The following FOCAD variants were observed in gnomAD, a reference collection of about 807,000 sequenced individuals.
FOCAD encodes the protein KIAA1797.
A neutral mutation model predicts 225.6 loss-of-function variants in FOCAD; 198 were observed. That is an observed-to-expected ratio of 0.88 (90% CI 0.78 to 0.99). The LOEUF (loss-of-function observed/expected upper bound fraction) is 0.99, where lower values mean the gene tolerates loss of function less well. Ranked by LOEUF, FOCAD falls within the 50% of genes least tolerant of loss-of-function variation. The pLI, the probability that FOCAD is intolerant of heterozygous loss-of-function variation, is 0.00. For missense variants in FOCAD, 2,713 were observed against 2,123.6 expected (o/e 1.28, Z -5.46); for synonymous variants, 897 against 755.0 (o/e 1.19, Z -3.08).
chr9:20,917,112 A>T (rs960285911), intron 24 of FOCAD, among the ~76,000 whole-genome samples, 175 bp downstream of exon 24: 14 of 152,248 alleles, frequency 9.2e-5, no homozygotes, highest in Admixed American at 5.9e-4. Context: ...TTCTTACTAC[A>T]TGTCTTTTTG....
At chr9:20,661,182 C>G (rs1467889539) in intron 2 of FOCAD, among the ~76,000 whole-genome samples, 1 of 152,094 alleles carries the variant, frequency 6.6e-6, no homozygotes, top group Non-Finnish European at 1.5e-5. Flanking sequence ...AGTACGGAAG[C>G]AAAGTTATCT....
At chr9:20,963,957 C>G (rs1449709432) in intron 35 of FOCAD, among the ~76,000 whole-genome samples, 3 of 152,220 alleles carry the variant, frequency 2.0e-5, no homozygotes, top group South Asian at 2.1e-4. Context: ...TCAACACTGT[C>G]TCCGCTGCTA....
At position 20,766,925 on chromosome 9, in the gene FOCAD, C is replaced by G. The variant is rs926620036; in HGVS notation, c.699+1852C>G. 7.2e-5 allele frequency among the ~76,000 whole-genome samples: 11 copies of G among 152,138 alleles called. No homozygotes were observed. The East Asian group carries it at 2.1e-3, about 29-fold the overall frequency. ...GTGCCATGCTGGTGCACTGCACCCA[C>G]TAACTCGTCATCTAGCATTAGGTAT... On this transcript the variant is annotated intron_variant, in intron 7 of 43. Transcript: ENST00000338382.
chr9:20,884,822 GA>G (rs1830974192), intron 20 of FOCAD, among the ~76,000 whole-genome samples: 1 of 151,946 alleles, frequency 6.6e-6, no homozygotes, highest in Non-Finnish European at 1.5e-5. Context: ...AGCGCTTTGG[GA>G]GGATGAGGCA....
chr9:20,813,853 C>T, intron 11 of FOCAD, among the ~76,000 whole-genome samples: 1 of 152,116 alleles, frequency 6.6e-6, no homozygotes, highest in East Asian at 1.9e-4. Context: ...TACTGTATTG[C>T]TTTCCATTTT....
At chr9:20,802,688 G>T (rs75750237) in intron 11 of FOCAD, among the ~76,000 whole-genome samples, 6,680 of 152,184 alleles carry the variant, frequency 0.044, 208 homozygotes, top group African/African-American at 0.089. Context: ...CAGGGACAGG[G>T]TTTAGGTTAG....
chr9:20,882,772 A>G (rs547210983), intron 20 of FOCAD, among the ~76,000 whole-genome samples: 3 of 152,196 alleles, frequency 2.0e-5, no homozygotes, highest in Non-Finnish European at 2.9e-5. Flanking sequence ...CACAAGGCCA[A>G]TTTCTCTCAA....
chr9:20,898,601 T>G (rs1258438153), intron 21 of FOCAD, among the ~76,000 whole-genome samples: 2 of 151,928 alleles, frequency 1.3e-5, no homozygotes, highest in East Asian at 3.9e-4. Context: ...TCTCTCTGCT[T>G]ACATTGTTAA....
chr9:20,740,414 C>T, intron 5 of FOCAD, 74 bp downstream of exon 5: 1 of 848,442 alleles, frequency 1.2e-6, no homozygotes, highest in Non-Finnish European at 1.9e-6. Flanking sequence ...ACATGATAAT[C>T]CAGTAAGAAT....
intron 2 of FOCAD, among the ~76,000 whole-genome samples, 181 bp from the exon 3 acceptor site, chr9:20,717,613 C>T (rs117337988): frequency 0.027 from 4,156 of 152,264 alleles, 84 homozygotes; most frequent in Middle Eastern, 0.068. Context: ...GAGGGCTATT[C>T]TGAAGATTAG....
At chr9:20,860,748 T>G (rs1403478402) in intron 15 of FOCAD, among the ~76,000 whole-genome samples, 1 of 152,220 alleles carries the variant, frequency 6.6e-6, no homozygotes, top group Non-Finnish European at 1.5e-5. Context: ...TGACCTTAAG[T>G]GATCCACCCA....
At position 20,781,817 on chromosome 9, in the gene FOCAD, C is replaced by A. The variant is rs1412811837; in HGVS notation, c.1085C>A (p.Thr362Asn). 1.2e-6 allele frequency: 2 copies of A among 1,613,944 alleles called. No homozygotes were observed. The highest frequency in any genetic ancestry group is 4.5e-5 in the East Asian group (2 of 44,880). Residue 362 changes from threonine (T) to asparagine (N), a missense_variant, in exon 10 of 44, where the codon ACT becomes AAT. Transcript: ENST00000338382. ...VMPILQILSS[T>N]ALEDCISVDE... The stretch of plus-strand genomic sequence containing the variant: ...CCAATTCTGCAGATACTATCTTCTA[C>A]TGCCTTGGAAGACTGTATATCTGTG...
At chr9:20,946,925 T>C (rs916631913) in intron 30 of FOCAD, 105 bp downstream of exon 30, 1 of 1,402,616 alleles carries the variant, frequency 7.1e-7, no homozygotes, top group African/African-American at 1.5e-5. Context: ...ATTTTTCATG[T>C]CTAGAACTGA....
intron 4 of FOCAD, among the ~76,000 whole-genome samples, chr9:20,726,594 G>A (rs1210591405): frequency 1.3e-5 from 2 of 152,186 alleles, no homozygotes; most frequent in Admixed American, 6.5e-5. Context: ...ATGAAATTTA[G>A]CATAGGATAT....
At chr9:20,888,006 G>C (rs1831251393) in intron 21 of FOCAD, among the ~76,000 whole-genome samples, 1 of 147,840 alleles carries the variant, frequency 6.8e-6, no homozygotes, top group African/African-American at 2.5e-5. Context: ...TGAAGTGTTT[G>C]CTCTGATCTT....
chr9:20,858,837 CATTGA>C (rs1265433082), intron 15 of FOCAD, among the ~76,000 whole-genome samples: 1 of 87,558 alleles, frequency 1.1e-5, no homozygotes, highest in Non-Finnish European at 2.4e-5. Context: ...TTAATTTCTT[CATTGA>C]CTGGTCTTTC....
chr9:20,856,559 T>C (rs1828205435), intron 15 of FOCAD, among the ~76,000 whole-genome samples: 1 of 152,046 alleles, frequency 6.6e-6, no homozygotes, highest in South Asian at 2.1e-4. Context: ...CTTTGTTGAT[T>C]GTTTCCTTTG....
At chr9:20,703,570 G>T (rs891635108) in intron 1 of FOCAD, among the ~76,000 whole-genome samples, 47 of 151,524 alleles carry the variant, frequency 3.1e-4, no homozygotes, top group African/African-American at 1.1e-3. Context: ...CTAACCTTGG[G>T]GCTGGTGTCT....
chr9:20,947,777 T>C (rs947800354), intron 30 of FOCAD, among the ~76,000 whole-genome samples: 3 of 152,214 alleles, frequency 2.0e-5, no homozygotes, highest in Non-Finnish European at 2.9e-5. Context: ...AATGGGTTAT[T>C]GCAGAATTCA....
Sources: allele counts gnomAD v4.1 joint callset (sites outside exome capture counted in the v4.1 genomes callset), GRCh38; gene constraint gnomAD v4.1.1; transcripts MANE v1.5; gene names NCBI Gene and HGNC (gene_info 2026-07-23, HGNC 2026-07-21).